CSTPP1: variants seen among roughly 807,000 people sequenced by gnomAD.
CSTPP1 encodes centriolar satellite-associated tubulin polyglutamylase complex regulator 1.
chr11:47,068,351 G>A, the CSTPP1 span, among the ~76,000 whole-genome samples: 1 of 152,040 alleles, frequency 6.6e-6, no homozygotes, highest in African/African-American at 2.4e-5. Flanking sequence ...GGCCAACATG[G>A]TGAAACCCTG....
chr11:46,998,847 C>T, the CSTPP1 span, among the ~76,000 whole-genome samples: 1 of 152,006 alleles, frequency 6.6e-6, no homozygotes, highest in South Asian at 2.1e-4. Flanking sequence ...GACATTCTCC[C>T]GCCTCAGCCT....
At chr11:47,124,221 T>C in the CSTPP1 span, among the ~76,000 whole-genome samples, 1 of 138,704 alleles carries the variant, frequency 7.2e-6, no homozygotes, top group Non-Finnish European at 1.5e-5. Context: ...CCTCCCAGGT[T>C]CAAGCAATTC....
At chr11:47,061,687 C>T in the CSTPP1 span, among the ~76,000 whole-genome samples, 1 of 152,164 alleles carries the variant, frequency 6.6e-6, no homozygotes, top group Non-Finnish European at 1.5e-5. Context: ...AGTGCATCTC[C>T]TCTTCTCATT....
At chr11:47,162,730 G>C in the CSTPP1 span, among the ~76,000 whole-genome samples, 5 of 152,166 alleles carry the variant, frequency 3.3e-5, no homozygotes, top group Non-Finnish European at 7.4e-5. Flanking sequence ...AACCCACCCA[G>C]AAGCCCAAGC....
the CSTPP1 span, among the ~76,000 whole-genome samples, chr11:47,074,501 G>GA: frequency 1.2e-3 from 141 of 115,182 alleles, no homozygotes; most frequent in African/African-American, 4.4e-3. Flanking sequence ...TCCTGTCTCA[G>GA]AAAAAAAAAA....
the CSTPP1 span, among the ~76,000 whole-genome samples, chr11:46,951,295 CTTTTTT>C: frequency 7.8e-6 from 1 of 127,680 alleles, no homozygotes. Flanking sequence ...TCCTTAGACT[CTTTTTT>C]TTTTTTTTTT....
chr11:47,109,590 G>A, the CSTPP1 span, among the ~76,000 whole-genome samples: 686 of 152,244 alleles, frequency 4.5e-3, 9 homozygotes, highest in South Asian at 4.6e-3. Flanking sequence ...CCTGTCAGTC[G>A]GTGACTTGAA....
chr11:46,941,258 T>C, the CSTPP1 span, among the ~76,000 whole-genome samples: 2 of 152,382 alleles, frequency 1.3e-5, no homozygotes, highest in East Asian at 3.9e-4. Context: ...GAAATGCGTT[T>C]GTCTTTAGTT....
chr11:46,950,248 A>G, the CSTPP1 span, among the ~76,000 whole-genome samples: 124 of 146,008 alleles, frequency 8.5e-4, no homozygotes, highest in African/African-American at 2.9e-3. Flanking sequence ...ATCTTGGCTC[A>G]CTGCAAGCTC....
chr11:47,102,166 C>T, the CSTPP1 span, among the ~76,000 whole-genome samples: 2 of 152,198 alleles, frequency 1.3e-5, no homozygotes, highest in East Asian at 3.9e-4. Flanking sequence ...TTGTAAAAAG[C>T]TAATCTACTG....
chr11:47,065,155 T>TA, the CSTPP1 span, among the ~76,000 whole-genome samples: 1 of 152,184 alleles, frequency 6.6e-6, no homozygotes, highest in African/African-American at 2.4e-5. Context: ...TTTTTTCTAT[T>TA]AAAAAATACC....
the CSTPP1 span, among the ~76,000 whole-genome samples, chr11:47,035,133 G>A: frequency 1.3e-5 from 2 of 152,192 alleles, no homozygotes; most frequent in Admixed American, 1.3e-4. Context: ...TGATGTAGCT[G>A]CAGCAACTGC....
At chr11:47,030,362 G>C in the CSTPP1 span, among the ~76,000 whole-genome samples, 1 of 152,216 alleles carries the variant, frequency 6.6e-6, no homozygotes, top group South Asian at 2.1e-4. Context: ...ATAGAGTGCT[G>C]TTGGAGTTTT....
At chr11:47,142,676 C>G in the CSTPP1 span, among the ~76,000 whole-genome samples, 67 of 152,208 alleles carry the variant, frequency 4.4e-4, no homozygotes, top group African/African-American at 1.6e-3. Flanking sequence ...TGCATCTTAG[C>G]CCCCCGCAGC....
the CSTPP1 span, among the ~76,000 whole-genome samples, chr11:47,004,760 C>A: frequency 2.4e-4 from 36 of 152,342 alleles, no homozygotes; most frequent in African/African-American, 8.7e-4. Flanking sequence ...GTTGTTCCCA[C>A]TCTTAGCTCT....
the CSTPP1 span, among the ~76,000 whole-genome samples, chr11:47,010,376 A>G: frequency 5.3e-5 from 8 of 152,196 alleles, no homozygotes; most frequent in African/African-American, 1.9e-4. Flanking sequence ...GGCCGAAGCA[A>G]CGGAATCTGT....
the CSTPP1 span, among the ~76,000 whole-genome samples, chr11:47,043,355 C>T: frequency 6.6e-6 from 1 of 151,964 alleles, no homozygotes; most frequent in Non-Finnish European, 1.5e-5. Flanking sequence ...CCAGCCTGGG[C>T]AACATAGTGA....
At chr11:47,162,380 C>A in the CSTPP1 span, 1 of 394,060 alleles carries the variant, frequency 2.5e-6, no homozygotes, top group Non-Finnish European at 3.5e-6. Flanking sequence ...AGACAACGAG[C>A]AGAGGGGCCT....
chr11:47,103,109 C>T, the CSTPP1 span, among the ~76,000 whole-genome samples: 1 of 151,604 alleles, frequency 6.6e-6, no homozygotes, highest in African/African-American at 2.4e-5. Context: ...GTAAAGTGTA[C>T]AGCATCGGCA....
Sources: allele counts gnomAD v4.1 joint callset (sites outside exome capture counted in the v4.1 genomes callset), GRCh38; gene constraint gnomAD v4.1.1; transcripts MANE v1.5; gene names NCBI Gene and HGNC (gene_info 2026-07-23, HGNC 2026-07-21).